FKTN: variants seen among roughly 807,000 people sequenced by gnomAD.
FKTN encodes the protein ribitol-5-phosphate transferase FKTN.
A neutral mutation model predicts 58.6 loss-of-function variants in FKTN; 47 were observed. The observed-to-expected ratio is 0.80, with a 90% CI of 0.63 to 1.02. FKTN has a LOEUF of 1.02. Ranked by LOEUF, FKTN falls within the 50% of genes least tolerant of loss-of-function variation. FKTN has a pLI of 0.00. For synonymous variants in FKTN, 178 were observed against 191.9 expected, an observed-to-expected ratio of 0.93 and a Z score of 0.60; for missense variants, 516 against 537.3, an observed-to-expected ratio of 0.96 and a Z score of 0.39.
Position 105,617,947 on chromosome 9 carries a change from T to A in FKTN, c.911-12T>A, listed in dbSNP as rs1831127930. 3 of 1,538,540 alleles carry A rather than the reference T, an allele frequency of 1.9e-6. No individual in the cohort carries two copies. The highest frequency in any genetic ancestry group is 1.8e-5 in the Admixed American group (1 of 56,570). On this transcript the variant is annotated splice_polypyrimidine_tract_variant and intron_variant, in intron 8 of 10. Transcript: ENST00000357998. ...CCTAAATTTTGTTAAAAAAATTTAATCTTCTTTTTAGGATGGTATCGACAA... is the reference window on the plus strand; with the variant it reads ...CCTAAATTTTGTTAAAAAAATTTAAACTTCTTTTTAGGATGGTATCGACAA...
chr9:105,579,310 T>C (rs1156997761), intron 3 of FKTN, among the ~76,000 whole-genome samples: 7 of 152,234 alleles, frequency 4.6e-5, no homozygotes, highest in Admixed American at 3.9e-4. Context: ...TTTAGTGCTA[T>C]AAATTTCCCT....
intron 3 of FKTN, among the ~76,000 whole-genome samples, chr9:105,576,447 T>C (rs1326744340): frequency 2.6e-5 from 4 of 151,562 alleles, no homozygotes; most frequent in Non-Finnish European, 2.9e-5. Flanking sequence ...GATAGTTTAC[T>C]GAGAATGATG....
intron 1 of FKTN, among the ~76,000 whole-genome samples, chr9:105,566,231 T>C (rs1194325737): frequency 7.9e-5 from 12 of 151,880 alleles, no homozygotes; most frequent in Admixed American, 3.3e-4. Context: ...AACATCACAA[T>C]TAAAAGAACT....
At chr9:105,572,796 A>G (rs1456883675) in intron 1 of FKTN, among the ~76,000 whole-genome samples, 2 of 152,232 alleles carry the variant, frequency 1.3e-5, no homozygotes, top group Non-Finnish European at 2.9e-5. Context: ...TCTCATACAC[A>G]TTCTCTGCCT....
Position 105,636,404 on chromosome 9 carries a change from C to G in FKTN, c.*1140C>G. On this transcript the variant is annotated 3_prime_UTR_variant, in exon 11 of 11. Coordinates refer to ENST00000357998, the MANE Select transcript of FKTN (RefSeq NM_001079802.2). ...ATGGTGGACTTGACAACTATTCACC[C>G]TACCTCAGATCATAGAGTTTGTAAA... 2.0e-6 allele frequency: 2 copies of G among 988,182 alleles called. No individual in the cohort carries two copies. Among genetic ancestry groups the G allele is most frequent in the Non-Finnish European group, 2.4e-6 (2 of 831,562 alleles). The allele number at this position is 988,182 out of a possible 1,614,324, so 61.2% of individuals were successfully genotyped here. A position where few individuals can be genotyped will look rare whatever the true frequency, so the allele number is the denominator to read the frequency against.
At position 105,635,424 on chromosome 9, in the gene FKTN, G is replaced by A; in HGVS notation, c.*160G>A. On this transcript the variant is annotated 3_prime_UTR_variant, in exon 11 of 11. Coordinates refer to ENST00000357998, the MANE Select transcript of FKTN (RefSeq NM_001079802.2). ...TCATCTGATGTAATTCTCTCACTTA[G>A]TACTGAGGAATTTTCATGTGCCACA... 6.8e-7 allele frequency: 1 copy of A among 1,466,820 alleles called. No individual in the cohort carries two copies. 90.9% of individuals were successfully genotyped at this position (1,466,820 alleles called of 1,614,324 possible). A position where few individuals can be genotyped will look rare whatever the true frequency, so the allele number is the denominator to read the frequency against.
At chr9:105,614,904 G>A (rs188416194) in intron 7 of FKTN, among the ~76,000 whole-genome samples, 2 of 110,822 alleles carry the variant, frequency 1.8e-5, no homozygotes, top group Admixed American at 2.0e-4. Context: ...TTTCTTTTTT[G>A]AGACAGTCTC....
At chr9:105,632,671 A>T (rs574398287) in intron 10 of FKTN, among the ~76,000 whole-genome samples, 9 of 152,120 alleles carry the variant, frequency 5.9e-5, no homozygotes, top group African/African-American at 2.2e-4. Flanking sequence ...GATATCTGTG[A>T]GGGAAAAAAA....
At position 105,636,096 on chromosome 9, in the gene FKTN, A is replaced by C; in HGVS notation, c.*832A>C. The C allele has an allele frequency of 1.0e-6, 1 of 981,542 alleles. No homozygotes were observed. Among genetic ancestry groups the C allele is most frequent in the Non-Finnish European group, 1.2e-6 (1 of 826,410 alleles). 60.8% of individuals were successfully genotyped at this position (981,542 alleles called of 1,614,324 possible). A position where few individuals can be genotyped will look rare whatever the true frequency, so the allele number is the denominator to read the frequency against. ...CCATGATTTCACAAAACTCATTTTTATTTTATTCTCAGACAGTCTGTTAGG... is the reference window on the plus strand; with the variant it reads ...CCATGATTTCACAAAACTCATTTTTCTTTTATTCTCAGACAGTCTGTTAGG... On this transcript the variant is annotated 3_prime_UTR_variant, in exon 11 of 11. Coordinates refer to ENST00000357998, the MANE Select transcript of FKTN (RefSeq NM_001079802.2).
Position 105,604,367 on chromosome 9 carries a change from A to G in FKTN, c.522A>G (p.Val174=). ...CKLATHAIHL[V]VFHERSGNYL... ...TGGCCACTCATGCGATCCACTTGGT[A>G]GTCTTTCATGAGAGGAGTGGCAACT... Residue 174 remains valine (V), a synonymous_variant, in exon 6 of 11, where the codon GTA becomes GTG. Transcript: ENST00000357998. The G allele has an allele frequency of 6.2e-7, 1 of 1,614,138 alleles. No individual in the cohort carries two copies. The highest frequency in any genetic ancestry group is 1.1e-5 in the South Asian group (1 of 91,082).
intron 3 of FKTN, among the ~76,000 whole-genome samples, chr9:105,586,692 T>G (rs1396279418): frequency 6.6e-6 from 1 of 152,184 alleles, no homozygotes; most frequent in Non-Finnish European, 1.5e-5. Context: ...ACCAGTTTCT[T>G]TAAATGGGTC....
intron 3 of FKTN, among the ~76,000 whole-genome samples, chr9:105,591,093 C>T (rs1027864092): frequency 6.6e-6 from 1 of 152,172 alleles, no homozygotes; most frequent in East Asian, 1.9e-4. Context: ...ATCCAATTAC[C>T]TCCCACCAGG....
At chr9:105,579,403 C>G (rs1193220092) in intron 3 of FKTN, among the ~76,000 whole-genome samples, 1 of 151,934 alleles carries the variant, frequency 6.6e-6, no homozygotes, top group African/African-American at 2.4e-5. Flanking sequence ...ATCTTTATTT[C>G]TGCCTTCATT....
At chr9:105,586,005 C>T (rs1843827120) in intron 3 of FKTN, among the ~76,000 whole-genome samples, 1 of 152,156 alleles carries the variant, frequency 6.6e-6, no homozygotes, top group Admixed American at 6.5e-5. Context: ...TAAATGCCTG[C>T]AGCACCATGG....
At position 105,640,399 on chromosome 9, in the gene FKTN, A is replaced by C; in HGVS notation, c.*5135A>C. On this transcript the variant is annotated 3_prime_UTR_variant, in exon 11 of 11. Transcript: ENST00000357998. ...AACCCCGTCTCTTCTAAAAATACAA[A>C]AAAATTAGCTGGGCATGGTGGTGCA... 1 of 310,340 alleles carries C rather than the reference A, an allele frequency of 3.2e-6. No homozygotes were observed. The highest frequency in any genetic ancestry group is 5.9e-6 in the Non-Finnish European group (1 of 168,688). The allele number at this position is 310,340 out of a possible 1,614,324, so 19.2% of individuals were successfully genotyped here. A position where few individuals can be genotyped will look rare whatever the true frequency, so the allele number is the denominator to read the frequency against.
chr9:105,618,185 T>C, intron 9 of FKTN, 93 bp downstream of exon 9: 1 of 1,020,014 alleles, frequency 9.8e-7, no homozygotes, highest in South Asian at 1.3e-5. Context: ...GAATGCTACA[T>C]ACATAATTTT....
At position 105,635,343 on chromosome 9, in the gene FKTN, C is replaced by A; in HGVS notation, c.*79C>A. 2 of 1,597,574 alleles carry A rather than the reference C, an allele frequency of 1.3e-6. No homozygotes were observed. The highest frequency in any genetic ancestry group is 1.1e-5 in the South Asian group (1 of 88,174). On this transcript the variant is annotated 3_prime_UTR_variant, in exon 11 of 11. Transcript: ENST00000357998. ...GTTTAAAAAATACATGTCTATTTGTCAAACATAAGTGGGAACCAAAGAAAA... is the reference window on the plus strand; with the variant it reads ...GTTTAAAAAATACATGTCTATTTGTAAAACATAAGTGGGAACCAAAGAAAA...
intron 3 of FKTN, among the ~76,000 whole-genome samples, chr9:105,575,413 G>T (rs986931851): frequency 6.6e-6 from 1 of 152,068 alleles, no homozygotes; most frequent in Non-Finnish European, 1.5e-5. Context: ...TCATTTAAAT[G>T]AACTCAATGA....
At chr9:105,559,415 C>T (rs1837841043) in intron 1 of FKTN, among the ~76,000 whole-genome samples, 1 of 152,206 alleles carries the variant, frequency 6.6e-6, no homozygotes, top group Non-Finnish European at 1.5e-5. Context: ...GACGCGGTGG[C>T]TCACGCCTGT....
Sources: allele counts gnomAD v4.1 joint callset (sites outside exome capture counted in the v4.1 genomes callset), GRCh38; gene constraint gnomAD v4.1.1; transcripts MANE v1.5; gene names NCBI Gene and HGNC (gene_info 2026-07-23, HGNC 2026-07-21).